Variants in TMC1 observed in about 807,000 individuals in gnomAD.
TMC1 encodes the protein transmembrane channel like 1.
In TMC1, 84 loss-of-function variants were observed where a neutral mutation model predicts 105.8. The observed-to-expected ratio is 0.79, with a 90% confidence interval of 0.67 to 0.95. TMC1 has a LOEUF of 0.95. TMC1 is among the 40% of genes least tolerant of loss of function. The probability of loss-of-function intolerance (pLI) is 0.00; values close to 1 mark genes in which losing one functional copy is unlikely to be tolerated. For synonymous variants in TMC1, 315 were observed against 311.5 expected (o/e 1.01, Z -0.12); for missense variants, 817 against 914.1 (o/e 0.89, Z 1.37).
intron 2 of TMC1, among the ~76,000 whole-genome samples, chr9:72,609,179 C>CCCTCCCTCCCTTCCTTCCTTCCTT (rs1461633849): frequency 7.3e-6 from 1 of 136,058 alleles, no homozygotes; most frequent in African/African-American, 2.9e-5. Flanking sequence ...CTTCCTCCTT[C>CCCTCCCTCCCTTCCTTCCTTCCTT]CCTTCCTTCC....
At chr9:72,726,744 T>A (rs1024039510) in intron 8 of TMC1, among the ~76,000 whole-genome samples, 1 of 152,218 alleles carries the variant, frequency 6.6e-6, no homozygotes, top group African/African-American at 2.4e-5. Flanking sequence ...AAGACTTCTA[T>A]TAGAAAAATT....
intron 18 of TMC1, among the ~76,000 whole-genome samples, chr9:72,810,181 G>C (rs1280246039): frequency 1.4e-5 from 2 of 147,804 alleles, no homozygotes; most frequent in Non-Finnish European, 3.0e-5. Context: ...TTTTAGAGCA[G>C]AAAAGGCTAA....
At chr9:72,595,315 G>A (rs940091659) in intron 2 of TMC1, among the ~76,000 whole-genome samples, 1 of 152,166 alleles carries the variant, frequency 6.6e-6, no homozygotes, top group East Asian at 1.9e-4. Context: ...ACCCCGACCA[G>A]CCTACATATT....
intron 1 of TMC1, among the ~76,000 whole-genome samples, chr9:72,529,863 G>T (rs1345216894): frequency 6.6e-6 from 1 of 152,126 alleles, no homozygotes; most frequent in Non-Finnish European, 1.5e-5. Flanking sequence ...TAAGAGGAAG[G>T]AGAGAATCAG....
chr9:72,672,948 G>C (rs777279818), intron 5 of TMC1, among the ~76,000 whole-genome samples: 3 of 151,844 alleles, frequency 2.0e-5, no homozygotes, highest in Non-Finnish European at 2.9e-5. Context: ...TATTTAGCAT[G>C]ATATGCTATA....
chr9:72,772,689 A>G (rs1258455657), intron 13 of TMC1, 134 bp downstream of exon 13: 2 of 1,187,542 alleles, frequency 1.7e-6, no homozygotes, highest in East Asian at 4.7e-5. Context: ...GATGAAATGT[A>G]GTTTTAATAC....
chr9:72,638,573 A>G (rs925694768), intron 4 of TMC1, among the ~76,000 whole-genome samples: 2 of 152,216 alleles, frequency 1.3e-5, no homozygotes, highest in Non-Finnish European at 2.9e-5. Flanking sequence ...AAGGAGCTGG[A>G]AAGAGTCAGT....
At chr9:72,609,196 CCTT>C (rs537345963) in intron 2 of TMC1, among the ~76,000 whole-genome samples, 1 of 144,728 alleles carries the variant, frequency 6.9e-6, no homozygotes, top group Non-Finnish European at 1.5e-5. Context: ...TTCCTTCCTT[CCTT>C]CCTTCCTTCC....
intron 21 of TMC1, among the ~76,000 whole-genome samples, chr9:72,828,467 C>T (rs1828994023): frequency 6.6e-6 from 1 of 151,926 alleles, no homozygotes; most frequent in African/African-American, 2.4e-5. Context: ...ATTTCGTTAC[C>T]ATATTCTTAC....
At chr9:72,646,835 T>A (rs1238920497) in intron 4 of TMC1, among the ~76,000 whole-genome samples, 1 of 152,056 alleles carries the variant, frequency 6.6e-6, no homozygotes, top group Non-Finnish European at 1.5e-5. Flanking sequence ...TTATTTTTGA[T>A]ACTAATCTTT....
At chr9:72,553,467 A>T (rs1382406228) in intron 1 of TMC1, among the ~76,000 whole-genome samples, 5 of 152,208 alleles carry the variant, frequency 3.3e-5, no homozygotes, top group Non-Finnish European at 7.3e-5. Context: ...TTGTGAGGTA[A>T]CCCAGTTGTA....
intron 5 of TMC1, among the ~76,000 whole-genome samples, chr9:72,665,092 C>T (rs1391674695): frequency 6.6e-6 from 1 of 152,200 alleles, no homozygotes; most frequent in Non-Finnish European, 1.5e-5. Flanking sequence ...TCAGGGAACT[C>T]TCCCCTTTCA....
intron 8 of TMC1, among the ~76,000 whole-genome samples, chr9:72,719,653 C>G (rs571614706): frequency 1.1e-4 from 16 of 152,330 alleles, no homozygotes; most frequent in African/African-American, 2.9e-4. Context: ...GTTCACAATG[C>G]AAGTCTCCAC....
chr9:72,752,163 A>T (rs1369746770), intron 11 of TMC1, among the ~76,000 whole-genome samples: 1 of 152,200 alleles, frequency 6.6e-6, no homozygotes, highest in Non-Finnish European at 1.5e-5. Context: ...TCTTGAAATT[A>T]TATAACTTAT....
intron 1 of TMC1, among the ~76,000 whole-genome samples, chr9:72,550,624 C>G (rs981870555): frequency 6.8e-6 from 1 of 147,038 alleles, no homozygotes; most frequent in Non-Finnish European, 1.5e-5. Context: ...CGCCACTGCA[C>G]TCCAGCCTGG....
chr9:72,677,129 T>C (rs1217491606), intron 5 of TMC1, among the ~76,000 whole-genome samples: 1 of 145,126 alleles, frequency 6.9e-6, no homozygotes, highest in African/African-American at 2.5e-5. Flanking sequence ...GAACAGAAAT[T>C]ACACACACAC....
intron 2 of TMC1, among the ~76,000 whole-genome samples, chr9:72,601,181 CACACACACACACAG>C (rs921804291): frequency 8.2e-6 from 1 of 121,718 alleles, no homozygotes; most frequent in East Asian, 2.2e-4. Flanking sequence ...CACACACACA[CACACACACACACAG>C]ACACACACAC....
intron 2 of TMC1, among the ~76,000 whole-genome samples, chr9:72,606,998 TATATAGAGAGAGAG>T: frequency 8.5e-6 from 1 of 117,276 alleles, no homozygotes; most frequent in African/African-American, 3.4e-5. Flanking sequence ...TATATATATA[TATATAGAGAGAGAG>T]AGAGAGAGAG....
intron 1 of TMC1, 86 bp from the exon 2 acceptor site, chr9:72,577,816 G>A (rs1404972788): frequency 1.3e-5 from 2 of 152,084 alleles, no homozygotes; most frequent in Non-Finnish European, 2.9e-5. Flanking sequence ...CAGCCAGCAT[G>A]CTGTGTTTTG....
Sources: gnomAD v4.1 joint callset for allele counts (sites outside exome capture counted in the v4.1 genomes callset) on GRCh38, gnomAD v4.1.1 for gene constraint, MANE v1.5 for transcripts, NCBI Gene and HGNC (gene_info 2026-07-23, HGNC 2026-07-21) for gene names.